MAN2B1: variants seen among roughly 807,000 people sequenced by gnomAD.
MAN2B1 encodes lysosomal alpha-mannosidase.
Under a neutral mutation model 127.5 loss-of-function variants are expected in MAN2B1, and 99 were observed. The observed-to-expected ratio is 0.78, with a 90% CI of 0.66 to 0.92. MAN2B1 has a LOEUF of 0.92. MAN2B1 is among the 40% of genes least tolerant of loss of function. MAN2B1 has a pLI of 0.00. For synonymous variants in MAN2B1, 573 were observed against 568.8 expected (o/e 1.01, Z -0.11); for missense variants, 1,304 against 1,384.8 (o/e 0.94, Z 0.93).
At chr19:12,656,390 G>A (rs1351071714) in intron 13 of MAN2B1, 181 bp downstream of exon 13, 2 of 596,328 alleles carry the variant, frequency 3.4e-6, no homozygotes, top group East Asian at 2.8e-5. Context: ...CCACTCACAG[G>A]AGGCATATGT....
chr19:12,666,548 A>T lies in MAN2B1; in HGVS notation c.154T>A (p.Tyr52Asn). The change falls in exon 1 of 24, where the codon TAC (tyrosine) becomes AAC (asparagine). Residue 52 changes from tyrosine (Y) to asparagine (N), a missense_variant. Tyr to Asn is a moderately radical substitution (Grantham distance 143). Coordinates refer to ENST00000456935, the MANE Select transcript of MAN2B1 (RefSeq NM_000528.4). ...AGCTCGGAGGCCCCACTCACCTCGTATCCCCCGGCCCGAGCACCGGCAGCC... is the reference window on the plus strand; with the variant it reads ...AGCTCGGAGGCCCCACTCACCTCGTTTCCCCCGGCCCGAGCACCGGCAGCC... ...LAAAGARAGG[Y>N]ETCPTVQPNM... 6.3e-7 allele frequency: 1 copy of T among 1,583,046 alleles called. No individual in the cohort carries two copies. Among genetic ancestry groups the T allele is most frequent in the South Asian group, 1.1e-5 (1 of 87,186 alleles).
rs776812208 is a variant in MAN2B1 at position 12,647,535 on chromosome 19, G to A, written c.2728C>T (p.Pro910Ser). The A allele has an allele frequency of 8.1e-6, 13 of 1,614,084 alleles. No individual in the cohort carries two copies. The highest frequency in any genetic ancestry group is 1.6e-4 in the Middle Eastern group (1 of 6,084). The change falls in exon 22 of 24, where the codon CCC (proline) becomes TCC (serine). Residue 910 changes from proline (P) to serine (S), a missense_variant. Physicochemically the swap from Pro to Ser is moderately conservative, Grantham distance 74. Transcript: ENST00000456935. The surrounding 1 kb of genome is among the most constrained non-coding windows in gnomAD (Gnocchi z 4.9). Reference protein sequence around the residue: ...VHLLTLASWGPEMVLLRLEHQ... With the variant: ...VHLLTLASWGSEMVLLRLEHQ... The stretch of plus-strand genomic sequence containing the variant: ...TCCAAGCGCAGCAGCACCATTTCGG[G>A]GCCCCAGCTGGCCAGCGTGAGCAGG...
intron 14 of MAN2B1, among the ~76,000 whole-genome samples, chr19:12,653,395 C>CG (rs1013386271): frequency 1.3e-5 from 2 of 151,824 alleles, no homozygotes; most frequent in Admixed American, 6.6e-5. Context: ...TCCACCCCCC[C>CG]CTCAGCCTCC....
At chr19:12,660,409 G>T (rs2024072946) in intron 7 of MAN2B1, among the ~76,000 whole-genome samples, 1 of 152,192 alleles carries the variant, frequency 6.6e-6, no homozygotes, top group South Asian at 2.1e-4. Context: ...GGCTGAGACA[G>T]AAGAATCACT....
At chr19:12,665,188 G>A in intron 3 of MAN2B1, 164 bp downstream of exon 3, 1 of 1,061,414 alleles carries the variant, frequency 9.4e-7, no homozygotes, top group Admixed American at 1.7e-5. Context: ...AGCAGGTGGG[G>A]CTTTGTGGGA....
intron 16 of MAN2B1, among the ~76,000 whole-genome samples, chr19:12,651,482 G>A (rs1268939933): frequency 6.6e-6 from 1 of 152,166 alleles, no homozygotes; most frequent in East Asian, 1.9e-4. Context: ...TGGACTAACA[G>A]CCAGACTTTT....
chr19:12,664,736 G>A (rs1405940144), intron 4 of MAN2B1, 56 bp downstream of exon 4: 5 of 1,553,200 alleles, frequency 3.2e-6, no homozygotes, highest in Admixed American at 3.5e-5. Context: ...TTGACTGGGC[G>A]AGGGAGGAGC....
At chr19:12,659,519 T>C (rs1366771299) in intron 7 of MAN2B1, among the ~76,000 whole-genome samples, 1 of 146,730 alleles carries the variant, frequency 6.8e-6, no homozygotes, top group East Asian at 2.3e-4. Context: ...GCCAGGCTGG[T>C]CTCCAACTCC....
rs1320666834 is a variant in MAN2B1, at chr19:12,666,407, A to G, written c.159+136T>C. ...ACAGCCAGACCTCGCAATGACACAA[A>G]GCACGCACTCAGACCACACTGTCAT... On this transcript the variant is annotated intron_variant, in intron 1 of 23. Coordinates refer to ENST00000456935, the MANE Select transcript of MAN2B1 (RefSeq NM_000528.4). The G allele has an allele frequency of 3.1e-6, 3 of 974,928 alleles. No homozygotes were observed. In the East Asian group the frequency reaches 7.9e-5, roughly 26 times the overall value. 60.4% of individuals were successfully genotyped at this position (974,928 alleles called of 1,614,324 possible).
intron 10 of MAN2B1, 82 bp from the exon 11 acceptor site, chr19:12,657,637 G>T: frequency 8.1e-7 from 1 of 1,239,550 alleles, no homozygotes; most frequent in Non-Finnish European, 1.2e-6. Context: ...CGGTGCTGGC[G>T]GGCAGGATTC....
chr19:12,653,293 C>T (rs1229610759), intron 14 of MAN2B1, among the ~76,000 whole-genome samples: 1 of 151,844 alleles, frequency 6.6e-6, no homozygotes, highest in South Asian at 2.1e-4. Flanking sequence ...ACTACAGGCA[C>T]ATGCCACCAC....
At chr19:12,650,510 C>T (rs1724696249) in intron 16 of MAN2B1, among the ~76,000 whole-genome samples, 1 of 150,306 alleles carries the variant, frequency 6.7e-6, no homozygotes, top group African/African-American at 2.5e-5. Flanking sequence ...AGGCACCCGC[C>T]ACCACACCCG....
At chr19:12,665,241 G>C in intron 3 of MAN2B1, 111 bp downstream of exon 3, 2 of 1,352,354 alleles carry the variant, frequency 1.5e-6, no homozygotes, top group Non-Finnish European at 2.1e-6. Context: ...CAGGCGGAGC[G>C]ACACGCATGT....
chr19:12,648,733 G>T (rs2023764097), intron 20 of MAN2B1, among the ~76,000 whole-genome samples: 1 of 151,992 alleles, frequency 6.6e-6, no homozygotes, highest in Non-Finnish European at 1.5e-5. Context: ...GGTGGTTCAC[G>T]CCTGTAATCC....
At position 12,646,710 on chromosome 19, in the gene MAN2B1, C is replaced by T. The variant is rs192184706; in HGVS notation, c.2946G>A (p.Pro982=). Residue 982 remains proline, a synonymous_variant, in exon 24 of 24, where the codon CCG becomes CCA. Transcript: ENST00000456935. ...TNTGPTPHQT[P]YQLDPANITL... is the part of the protein sequence containing the mutation. Reference sequence around the variant, plus strand: ...TGATGTTGGCCGGGTCCAGCTGGTACGGAGTTTGGTGGGGTGTGGGGCCTG... The same window carrying T: ...TGATGTTGGCCGGGTCCAGCTGGTATGGAGTTTGGTGGGGTGTGGGGCCTG... The T allele has an allele frequency of 2.2e-5, 36 of 1,613,974 alleles. No individual in the cohort carries two copies. The highest frequency in any genetic ancestry group is 1.3e-4 in the Admixed American group (8 of 60,012).
chr19:12,653,265 G>A (rs2023884674), intron 14 of MAN2B1, among the ~76,000 whole-genome samples: 1 of 150,492 alleles, frequency 6.6e-6, no homozygotes, highest in Admixed American at 6.6e-5. Context: ...TCCTGACTCA[G>A]CCTCCTGAAT....
In MAN2B1 at chr19:12,652,188, G is replaced by A; in HGVS notation, c.2011C>T (p.Pro671Ser). Residue 671 changes from proline (P) to serine (S), a missense_variant, in exon 16 of 24, where the codon CCT (proline) becomes TCT (serine). Physicochemically the swap from Pro to Ser is moderately conservative, Grantham distance 74. Transcript: ENST00000456935. ...TGGATCTGAGCCCAGCGGCTCACAG[G>A]CAGCGGTTTCTGTTGGTTGGGTCTG... The part of the protein sequence containing the change: ...IFRPNQQKPL[P>S]VSRWAQIHLV... The A allele has an allele frequency of 6.2e-7, 1 of 1,614,150 alleles. No homozygotes were observed.
chr19:12,657,351 C>A, intron 11 of MAN2B1, 95 bp downstream of exon 11: 1 of 1,174,722 alleles, frequency 8.5e-7, no homozygotes. Flanking sequence ...GGGCTCTCGG[C>A]TACGCCTCAC....
Position 12,652,379 on chromosome 19 carries a change from G to A in MAN2B1, c.1912C>T (p.Arg638Cys), listed in dbSNP as rs749533406. The change falls in exon 15 of 24, where the codon CGC becomes TGC. Residue 638 changes from arginine to cysteine, a missense_variant. Arg to Cys is a radical substitution (Grantham distance 180, BLOSUM62 -3). Transcript: ENST00000456935. Reference sequence around the variant, plus strand: ...TTCCCTTACCAGAAGAAGGTCTGGCGAACAGGCAGCAGGAGTTGCTGATTC... The same window carrying A: ...TTCCCTTACCAGAAGAAGGTCTGGCAAACAGGCAGCAGGAGTTGCTGATTC... ...NMNQQLLLPV[R>C]QTFFWYNASI... is the part of the protein sequence containing the mutation. 1.2e-5 allele frequency: 20 copies of A among 1,613,890 alleles called. No homozygotes were observed. The East Asian group carries it at 2.0e-4, about 16-fold the overall frequency.
Sources: allele counts gnomAD v4.1 joint callset (sites outside exome capture counted in the v4.1 genomes callset), GRCh38; gene constraint gnomAD v4.1.1; non-coding constraint Gnocchi (gnomAD v3.1); transcripts MANE v1.5; gene names NCBI Gene and HGNC (gene_info 2026-07-23, HGNC 2026-07-21).